DRGX: variants seen among roughly 807,000 people sequenced by gnomAD.
DRGX encodes dorsal root ganglia homeobox.
A neutral mutation model predicts 28.6 loss-of-function variants in DRGX; 21 were observed. The observed-to-expected ratio is 0.73, with a 90% CI of 0.52 to 1.06. DRGX has a LOEUF of 1.06. Ranked by LOEUF, DRGX falls within the 50% of genes least tolerant of loss-of-function variation. DRGX has a pLI of 0.00. For synonymous variants in DRGX, 136 were observed against 139.1 expected, an observed-to-expected ratio of 0.98 and a Z score of 0.16; for missense variants, 354 against 343.9, an observed-to-expected ratio of 1.03 and a Z score of -0.23.
intron 6 of DRGX, 119 bp downstream of exon 6, chr10:49,386,359 G>T: frequency 2.4e-6 from 2 of 821,346 alleles, no homozygotes; most frequent in Non-Finnish European, 3.7e-6. Context: ...ACTGACAGGA[G>T]GCGAGGAAGC....
chr10:49,389,988 T>C lies in DRGX; in HGVS notation c.234+145A>G. The C allele has an allele frequency of 2.1e-5, 14 of 671,486 alleles. No individual in the cohort carries two copies. The South Asian group carries it at 3.0e-4, about 15-fold the overall frequency. 41.6% of individuals were successfully genotyped at this position (671,486 alleles called of 1,614,324 possible). On this transcript the variant is annotated intron_variant, in intron 4 of 6. Coordinates refer to ENST00000374139, the MANE Select transcript of DRGX (RefSeq NM_001276451.2). ...ACCTAATCTAATATTCCACATTATG[T>C]TGATGTTATTAAAGTGCATCATGAA...
At chr10:49,384,180 T>C (rs1284009047) in intron 6 of DRGX, among the ~76,000 whole-genome samples, 2 of 152,186 alleles carry the variant, frequency 1.3e-5, no homozygotes, top group Admixed American at 6.5e-5. Context: ...GGGAAAATGA[T>C]AAACAGACCC....
intron 2 of DRGX, among the ~76,000 whole-genome samples, chr10:49,395,114 C>A (rs1265136499): frequency 6.6e-6 from 1 of 152,236 alleles, no homozygotes; most frequent in Non-Finnish European, 1.5e-5. Context: ...CAATTAGAGG[C>A]GTGACACCAG....
chr10:49,369,087 A>G (rs1849628336), intron 6 of DRGX, among the ~76,000 whole-genome samples: 1 of 152,218 alleles, frequency 6.6e-6, no homozygotes, highest in African/African-American at 2.4e-5. Context: ...TCAGTGGCAA[A>G]TCTAGCCATG....
At chr10:49,391,796 A>G (rs775351476) in intron 2 of DRGX, 11 of 505,666 alleles carry the variant, frequency 2.2e-5, no homozygotes, top group South Asian at 1.6e-4. Context: ...TAAGTGCAGA[A>G]CGTGAGGAGG....
At chr10:49,382,575 G>A (rs918637407) in intron 6 of DRGX, among the ~76,000 whole-genome samples, 7 of 152,322 alleles carry the variant, frequency 4.6e-5, no homozygotes, top group African/African-American at 1.7e-4. Flanking sequence ...AGATTGGGCT[G>A]TGTGCTTAAT....
At chr10:49,371,132 T>G (rs61848631) in intron 6 of DRGX, among the ~76,000 whole-genome samples, 16,932 of 152,184 alleles carry the variant, frequency 0.11, 1,021 homozygotes, top group Middle Eastern at 0.2. Flanking sequence ...GGAAAAAAAT[T>G]ATTTCCACAA....
At chr10:49,384,727 G>A (rs749141381) in intron 6 of DRGX, among the ~76,000 whole-genome samples, 13 of 152,158 alleles carry the variant, frequency 8.5e-5, no homozygotes, top group Non-Finnish European at 1.3e-4. Flanking sequence ...CCCCCAGGGT[G>A]TGGGAGCCAC....
At position 49,366,098 on chromosome 10, in the gene DRGX, G is replaced by C. The variant is rs1590358789; in HGVS notation, c.*18C>G. 6.5e-7 allele frequency: 1 copy of C among 1,530,862 alleles called. No individual in the cohort carries two copies. The highest frequency in any genetic ancestry group is 8.8e-7 in the Non-Finnish European group (1 of 1,134,916). The allele number at this position is 1,530,862 out of a possible 1,614,324, so 94.8% of individuals were successfully genotyped here. On this transcript the variant is annotated 3_prime_UTR_variant, in exon 7 of 7. Transcript: ENST00000374139. ...GGAGGGGCGGGGGAGGGCAGGCCGG[G>C]CGGGGCACTGTGGACCCTCATACAC...
chr10:49,383,933 A>G (rs1017909475), intron 6 of DRGX, among the ~76,000 whole-genome samples: 1 of 152,236 alleles, frequency 6.6e-6, no homozygotes, highest in Non-Finnish European at 1.5e-5. Context: ...GAATACTTCA[A>G]ATATAAATAC....
At chr10:49,381,597 C>A (rs1231685402) in intron 6 of DRGX, among the ~76,000 whole-genome samples, 1 of 152,160 alleles carries the variant, frequency 6.6e-6, no homozygotes, top group African/African-American at 2.4e-5. Flanking sequence ...AAGACCAGGA[C>A]CCCCAGCTCA....
intron 4 of DRGX, among the ~76,000 whole-genome samples, chr10:49,389,242 G>T (rs1012949691): frequency 1.5e-4 from 23 of 152,192 alleles, no homozygotes; most frequent in Admixed American, 3.3e-4. Context: ...CCAATTTACT[G>T]CTCAGAATTC....
intron 6 of DRGX, among the ~76,000 whole-genome samples, chr10:49,367,149 A>G (rs897839812): frequency 2.0e-5 from 3 of 152,212 alleles, no homozygotes; most frequent in African/African-American, 7.2e-5. Flanking sequence ...TGAGCACAAG[A>G]GTTCAAGACC....
chr10:49,368,541 C>G (rs918601013), intron 6 of DRGX, among the ~76,000 whole-genome samples: 1 of 152,268 alleles, frequency 6.6e-6, no homozygotes, highest in Non-Finnish European at 1.5e-5. Context: ...CTGAGAGACT[C>G]TCATGGGAGA....
At chr10:49,374,904 G>A (rs1352294199) in intron 6 of DRGX, among the ~76,000 whole-genome samples, 2 of 152,132 alleles carry the variant, frequency 1.3e-5, no homozygotes, top group Non-Finnish European at 2.9e-5. Flanking sequence ...ATGAATACAT[G>A]GATTTATGAG....
intron 6 of DRGX, among the ~76,000 whole-genome samples, chr10:49,367,718 T>C (rs1849615445): frequency 6.6e-6 from 1 of 152,234 alleles, no homozygotes; most frequent in Non-Finnish European, 1.5e-5. Flanking sequence ...GGCTGAGGGC[T>C]GCAGCAAGGT....
chr10:49,385,652 A>G (rs1849824346), intron 6 of DRGX, among the ~76,000 whole-genome samples: 1 of 152,032 alleles, frequency 6.6e-6, no homozygotes, highest in African/African-American at 2.4e-5. Flanking sequence ...CTCAGGCGTT[A>G]GCAGAACATG....
chr10:49,381,855 G>T (rs923901177), intron 6 of DRGX, among the ~76,000 whole-genome samples: 3 of 152,242 alleles, frequency 2.0e-5, no homozygotes, highest in African/African-American at 7.2e-5. Flanking sequence ...TTGGTCCAAG[G>T]CTGTAAGATC....
At chr10:49,394,921 G>A (rs1229987501) in intron 2 of DRGX, among the ~76,000 whole-genome samples, 1 of 152,246 alleles carries the variant, frequency 6.6e-6, no homozygotes, top group African/African-American at 2.4e-5. Flanking sequence ...AATCCAGGGC[G>A]GAAGAGGCCC....
Sources: allele counts gnomAD v4.1 joint callset (sites outside exome capture counted in the v4.1 genomes callset), GRCh38; gene constraint gnomAD v4.1.1; transcripts MANE v1.5; gene names NCBI Gene and HGNC (gene_info 2026-07-23, HGNC 2026-07-21).